PGS1: variants seen among roughly 807,000 people sequenced by gnomAD.
The protein encoded by PGS1 is phosphatidylglycerophosphate synthase 1, also known as CDP-diacylglycerol--glycerol-3-phosphate 3-phosphatidyltransferase, mitochondrial.
A neutral mutation model predicts 58.3 loss-of-function variants in PGS1; 44 were observed. The observed-to-expected ratio is 0.75, with a 90% CI of 0.59 to 0.97. The LOEUF is 0.97. Among genes scored for constraint, PGS1 ranks in the 50% least tolerant of loss-of-function variants. The probability of loss-of-function intolerance (pLI) is 0.00; values close to 1 mark genes in which losing one functional copy is unlikely to be tolerated. For synonymous variants in PGS1, 330 were observed against 311.0 expected (o/e 1.06, Z -0.64); for missense variants, 684 against 731.1 (o/e 0.94, Z 0.74).
intron 9 of PGS1, chr17:78,420,012 A>G: frequency 2.6e-6 from 3 of 1,147,168 alleles, no homozygotes; most frequent in African/African-American, 1.6e-5. Context: ...ATGAGGGGGC[A>G]GAAAGGCAGA....
intron 1 of PGS1, chr17:78,380,830 T>C (rs1361312207): frequency 1.3e-5 from 2 of 152,144 alleles, no homozygotes; most frequent in African/African-American, 4.8e-5. Flanking sequence ...CTCATGAGTG[T>C]GCTTTTTTTC....
At chr17:78,404,952 G>A (rs113739674) in intron 7 of PGS1, among the ~76,000 whole-genome samples, 1,931 of 151,904 alleles carry the variant, frequency 0.013, 43 homozygotes, top group African/African-American at 0.043. Flanking sequence ...GAGCCACCAC[G>A]CCCGGCCCTT....
At chr17:78,415,155 G>C in intron 8 of PGS1, 128 bp downstream of exon 8, 2 of 1,068,208 alleles carry the variant, frequency 1.9e-6, no homozygotes, top group Non-Finnish European at 2.7e-6. Flanking sequence ...AGCAGAGCAA[G>C]AAAGACTCTG....
Position 78,424,307 on chromosome 17 carries a change from C to A in PGS1, c.*257C>A, listed in dbSNP as rs112415080. 0.027 allele frequency: 24,916 copies of A among 928,256 alleles called. 412 individuals carry two copies. Among genetic ancestry groups the A allele is most frequent in the Non-Finnish European group, 0.035 (22,292 of 638,852 alleles). The allele number at this position is 928,256 out of a possible 1,614,324, so 57.5% of individuals were successfully genotyped here. A position where few individuals can be genotyped will look rare whatever the true frequency, so the allele number is the denominator to read the frequency against. On this transcript the variant is annotated 3_prime_UTR_variant, in exon 10 of 10. Transcript: ENST00000262764. ...CAGCTGCCACGGCTGGAAGCAGAGG[C>A]CTTCGTAGGTGATGGCCTGCATGTT... is the stretch of plus-strand genomic sequence containing the variant.
chr17:78,386,662 G>A (rs930688332), intron 1 of PGS1, among the ~76,000 whole-genome samples: 6 of 152,184 alleles, frequency 3.9e-5, no homozygotes, highest in Non-Finnish European at 8.8e-5. Context: ...ACTGGGCCAT[G>A]TGCTTTCTTG....
At chr17:78,415,157 A>C in intron 8 of PGS1, 130 bp downstream of exon 8, 1 of 1,052,880 alleles carries the variant, frequency 9.5e-7, no homozygotes, top group Non-Finnish European at 1.4e-6. Context: ...CAGAGCAAGA[A>C]AGACTCTGGG....
chr17:78,391,578 A>C (rs2082835286), intron 1 of PGS1, among the ~76,000 whole-genome samples: 1 of 152,102 alleles, frequency 6.6e-6, no homozygotes, highest in Non-Finnish European at 1.5e-5. Flanking sequence ...CCCTGGTTCA[A>C]GCAATTCTCC....
At chr17:78,416,985 C>G (rs985182111) in intron 8 of PGS1, among the ~76,000 whole-genome samples, 4 of 152,134 alleles carry the variant, frequency 2.6e-5, no homozygotes, top group East Asian at 3.9e-4. Context: ...GGGAGGGGCC[C>G]TCCTATTCAT....
chr17:78,392,716 A>G, intron 2 of PGS1, 51 bp downstream of exon 2: 3 of 1,447,280 alleles, frequency 2.1e-6, no homozygotes, highest in Middle Eastern at 1.8e-4. Flanking sequence ...TTGGGGGATC[A>G]GGTTGGTGAG....
intron 1 of PGS1, 107 bp downstream of exon 1, chr17:78,378,915 C>A: frequency 1.6e-6 from 2 of 1,215,676 alleles, no homozygotes; most frequent in East Asian, 6.4e-5. Context: ...GCGAGTCCCT[C>A]CCCGGTTTCC....
intron 9 of PGS1, 75 bp downstream of exon 9, chr17:78,419,750 C>T (rs1431585072): frequency 6.3e-7 from 1 of 1,590,250 alleles, no homozygotes; most frequent in African/African-American, 1.3e-5. Flanking sequence ...TGTTCTGACT[C>T]AACCAGAGCT....
intron 4 of PGS1, 40 bp downstream of exon 4, chr17:78,398,391 T>C: frequency 7.6e-7 from 1 of 1,324,172 alleles, no homozygotes; most frequent in Non-Finnish European, 1.1e-6. Context: ...GCTTCCTGTG[T>C]CAGATCCTCA....
At position 78,424,409 on chromosome 17, in the gene PGS1, A is replaced by G. The variant is rs2146395357; in HGVS notation, c.*359A>G. 2.3e-6 allele frequency: 1 copy of G among 443,710 alleles called. No individual in the cohort carries two copies. Among genetic ancestry groups the G allele is most frequent in the South Asian group, 4.2e-5 (1 of 23,684 alleles). 27.5% of individuals were successfully genotyped at this position (443,710 alleles called of 1,614,324 possible). A position where few individuals can be genotyped will look rare whatever the true frequency, so the allele number is the denominator to read the frequency against. On this transcript the variant is annotated 3_prime_UTR_variant, in exon 10 of 10. Coordinates refer to ENST00000262764, the MANE Select transcript of PGS1 (RefSeq NM_024419.5). ...GGTTCCATCCGTTTAAATCTGTGGC[A>G]TTTTCAGAGCCTCATCTGTCAGCCT... is the stretch of plus-strand genomic sequence containing the variant.
intron 8 of PGS1, among the ~76,000 whole-genome samples, chr17:78,418,829 A>ATTGGCTT (rs2085437412): frequency 6.6e-6 from 1 of 152,112 alleles, no homozygotes; most frequent in Non-Finnish European, 1.5e-5. Flanking sequence ...ATTGGCACAA[A>ATTGGCTT]TTGGCTTTGT....
chr17:78,392,718 G>A (rs757896488), intron 2 of PGS1, 53 bp downstream of exon 2: 19 of 1,450,086 alleles, frequency 1.3e-5, no homozygotes, highest in Non-Finnish European at 1.7e-5. Context: ...GGGGGATCAG[G>A]TTGGTGAGTC....
At chr17:78,406,868 G>C (rs561200511) in intron 7 of PGS1, among the ~76,000 whole-genome samples, 3 of 152,242 alleles carry the variant, frequency 2.0e-5, no homozygotes, top group African/African-American at 7.2e-5. Context: ...CCTTAACTCA[G>C]CCTGGAGGGT....
intron 7 of PGS1, among the ~76,000 whole-genome samples, chr17:78,412,254 G>A (rs534954603): frequency 6.6e-5 from 10 of 152,240 alleles, no homozygotes; most frequent in Non-Finnish European, 1.0e-4. Context: ...CTGGCCTGTG[G>A]TCGTTATTTT....
At chr17:78,395,928 C>G (rs1158424229) in intron 2 of PGS1, among the ~76,000 whole-genome samples, 1 of 152,188 alleles carries the variant, frequency 6.6e-6, no homozygotes, top group Non-Finnish European at 1.5e-5. Flanking sequence ...TTAGTAGAGA[C>G]AGGGTTTCGC....
chr17:78,419,605 G>T lies in PGS1; in HGVS notation c.1611G>T (p.Pro537=), dbSNP rs370256516. ...GVVSSATFEQ[P]SRQVKLWVKM... ...TGTCCTCTGCCACCTTCGAGCAGCC[G>T]AGTCGCCAGGTGAAGCTGTGGGTGA... is the stretch of plus-strand genomic sequence containing the variant. Residue 537 remains proline, a synonymous_variant, in exon 9 of 10, where the codon CCG becomes CCT. Coordinates refer to ENST00000262764, the MANE Select transcript of PGS1 (RefSeq NM_024419.5). 8 of 1,614,098 alleles carry T rather than the reference G, an allele frequency of 5.0e-6. No individual in the cohort carries two copies. The highest frequency in any genetic ancestry group is 6.8e-6 in the Non-Finnish European group (8 of 1,179,988).
Sources: allele counts gnomAD v4.1 joint callset (sites outside exome capture counted in the v4.1 genomes callset), GRCh38; gene constraint gnomAD v4.1.1; transcripts MANE v1.5; gene names NCBI Gene and HGNC (gene_info 2026-07-23, HGNC 2026-07-21).